Variants in ULK4 observed in about 807,000 individuals in gnomAD.
ULK4 encodes the protein inactive serine/threonine-protein kinase ULK4.
A neutral mutation model predicts 160.6 loss-of-function variants in ULK4; 133 were observed. The observed-to-expected ratio is 0.83, with a 90% confidence interval of 0.72 to 0.96. The LOEUF is 0.96. ULK4 is among the 40% of genes least tolerant of loss of function. The pLI is 0.00. For synonymous variants in ULK4, 534 were observed against 539.8 expected, an observed-to-expected ratio of 0.99 and a Z score of 0.15; for missense variants, 1,580 against 1,499.5, an observed-to-expected ratio of 1.05 and a Z score of -0.89.
intron 35 of ULK4, among the ~76,000 whole-genome samples, chr3:41,382,654 C>T (rs2081684615): frequency 6.7e-6 from 1 of 149,552 alleles, no homozygotes; most frequent in Non-Finnish European, 1.5e-5. Flanking sequence ...TACTAGTTTA[C>T]AAAAAAAAAC....
chr3:41,918,089 T>C (rs1227837224), intron 7 of ULK4, among the ~76,000 whole-genome samples: 1 of 152,128 alleles, frequency 6.6e-6, no homozygotes, highest in Non-Finnish European at 1.5e-5. Flanking sequence ...AAGGAAATGG[T>C]GAATTTGTTC....
At chr3:41,408,758 T>C (rs9853441) in intron 34 of ULK4, among the ~76,000 whole-genome samples, 32,759 of 152,032 alleles carry the variant, frequency 0.22, 3,944 homozygotes, top group African/African-American at 0.32. Flanking sequence ...TGGCATAAGA[T>C]AGATCTAGAG....
At chr3:41,792,453 G>T (rs544580676) in intron 20 of ULK4, among the ~76,000 whole-genome samples, 6 of 152,006 alleles carry the variant, frequency 3.9e-5, no homozygotes, top group Non-Finnish European at 5.9e-5. Context: ...TTAAAGATCA[G>T]AATTTTTCTA....
intron 5 of ULK4, among the ~76,000 whole-genome samples, chr3:41,923,058 C>T (rs990931376): frequency 4.0e-5 from 6 of 151,484 alleles, no homozygotes; most frequent in African/African-American, 1.5e-4. Flanking sequence ...CCTGTAAGCC[C>T]AGCTACTCGG....
chr3:41,431,856 C>G (rs559714373), intron 34 of ULK4, among the ~76,000 whole-genome samples: 1 of 146,644 alleles, frequency 6.8e-6, no homozygotes, highest in East Asian at 2.0e-4. Context: ...GTGGCGCGAT[C>G]TCGGTTCACC....
At chr3:41,596,654 G>A (rs570629307) in intron 31 of ULK4, among the ~76,000 whole-genome samples, 1 of 152,216 alleles carries the variant, frequency 6.6e-6, no homozygotes, top group East Asian at 1.9e-4. Context: ...TGAAATCAAG[G>A]TCATAAAGGT....
intron 32 of ULK4, among the ~76,000 whole-genome samples, chr3:41,497,342 A>G (rs1347023632): frequency 6.6e-6 from 1 of 152,072 alleles, no homozygotes. Context: ...GAGAAGAAAC[A>G]TTTGATTTTT....
intron 35 of ULK4, among the ~76,000 whole-genome samples, chr3:41,376,906 C>G (rs564471857): frequency 6.9e-6 from 1 of 144,012 alleles, no homozygotes; most frequent in African/African-American, 2.7e-5. Flanking sequence ...AAAAAGAGCC[C>G]GCATCGCCAA....
rs569338802 is a variant in ULK4, at chr3:41,534,688, T to C, written c.3226+31337A>G. Among the ~76,000 whole-genome samples, 10 of 152,208 alleles carry C rather than the reference T, an allele frequency of 6.6e-5. No homozygotes were observed. The East Asian group carries it at 1.9e-3, about 29-fold the overall frequency. On this transcript the variant is annotated intron_variant, in intron 32 of 36. Transcript: ENST00000301831. ...CTACCATACTTCATTGACTCTAAGA[T>C]GCCACTGATCATAAGGACCATAATT...
At chr3:41,365,926 T>C (rs2081244854) in intron 35 of ULK4, among the ~76,000 whole-genome samples, 1 of 152,164 alleles carries the variant, frequency 6.6e-6, no homozygotes, top group African/African-American at 2.4e-5. Flanking sequence ...AATCAAATAC[T>C]CCAGATTGCA....
chr3:41,409,714 C>T lies in ULK4; in HGVS notation c.3493-11450G>A, dbSNP rs34408208. 3.3e-3 allele frequency among the ~76,000 whole-genome samples: 502 copies of T among 152,090 alleles called. 20 individuals are homozygous for T. The highest frequency in any genetic ancestry group is 0.03 in the Admixed American group (451 of 15,272). On this transcript the variant is annotated intron_variant, in intron 34 of 36. Transcript: ENST00000301831. ...CTGTAATCCCAGCACTCTGGGAGGCCGAGGCAGGTGGATCACCTGAGGTCA... is the reference window on the plus strand; with the variant it reads ...CTGTAATCCCAGCACTCTGGGAGGCTGAGGCAGGTGGATCACCTGAGGTCA...
At chr3:41,958,563 T>A (rs1700560460) in intron 1 of ULK4, among the ~76,000 whole-genome samples, 1 of 141,458 alleles carries the variant, frequency 7.1e-6, no homozygotes, top group South Asian at 2.2e-4. Context: ...AAAAAAAAAA[T>A]TATCCAGGAA....
chr3:41,426,765 C>G (rs980138263), intron 34 of ULK4, among the ~76,000 whole-genome samples: 7 of 151,858 alleles, frequency 4.6e-5, no homozygotes, highest in Non-Finnish European at 1.0e-4. Context: ...GCAGTTAAAG[C>G]AGTGTTAAGA....
At chr3:41,338,138 TA>T (rs1225460055) in intron 35 of ULK4, among the ~76,000 whole-genome samples, 1 of 152,140 alleles carries the variant, frequency 6.6e-6, no homozygotes, top group Admixed American at 6.5e-5. Context: ...AGGAAGTAAA[TA>T]AGAAGAGAGA....
intron 17 of ULK4, among the ~76,000 whole-genome samples, chr3:41,837,259 T>C (rs1031011915): frequency 4.6e-5 from 7 of 152,212 alleles, no homozygotes; most frequent in Non-Finnish European, 8.8e-5. Context: ...AATCAATGCA[T>C]ATATTTAAAG....
intron 17 of ULK4, among the ~76,000 whole-genome samples, chr3:41,844,265 G>A (rs1009820410): frequency 6.6e-6 from 1 of 152,152 alleles, no homozygotes; most frequent in Non-Finnish European, 1.5e-5. Context: ...GCCCGCGGAG[G>A]GGGTGGGAGG....
chr3:41,728,411 G>C (rs184431281), intron 22 of ULK4, among the ~76,000 whole-genome samples: 2 of 152,186 alleles, frequency 1.3e-5, no homozygotes, highest in East Asian at 3.9e-4. Flanking sequence ...AGAGGGGGTA[G>C]GTACAAGGCT....
In ULK4 at chr3:41,775,737, T is replaced by C. The variant is rs181598448; in HGVS notation, c.2193+13924A>G. 4.6e-5 allele frequency among the ~76,000 whole-genome samples: 7 copies of C among 150,912 alleles called. No homozygotes were observed. In the East Asian group the frequency reaches 1.4e-3, roughly 29 times the overall value. ...TTTTTAAACATTGAAACAACATAAA[T>C]ATGGAAATGAACTACTCACATACGT... On this transcript the variant is annotated intron_variant, in intron 21 of 36. Transcript: ENST00000301831.
At chr3:41,932,136 G>T in intron 4 of ULK4, 130 bp from the exon 5 acceptor site, 1 of 744,508 alleles carries the variant, frequency 1.3e-6, no homozygotes, top group Non-Finnish European at 2.0e-6. Flanking sequence ...AAAAATAAAT[G>T]CTTATAATTT....
Sources: allele counts gnomAD v4.1 joint callset (sites outside exome capture counted in the v4.1 genomes callset), GRCh38; gene constraint gnomAD v4.1.1; transcripts MANE v1.5; gene names NCBI Gene and HGNC (gene_info 2026-07-23, HGNC 2026-07-21).